Variants in ALDH1A2 observed in about 807,000 individuals in gnomAD.
ALDH1A2 encodes aldehyde dehydrogenase 1 family member A2.
Under a neutral mutation model 60.3 loss-of-function variants are expected in ALDH1A2, and 27 were observed. That is an observed-to-expected ratio of 0.45 (90% CI 0.33 to 0.62). The LOEUF (loss-of-function observed/expected upper bound fraction) is 0.62. Ranked by LOEUF, ALDH1A2 falls within the 20% of genes least tolerant of loss-of-function variation. ALDH1A2 has a pLI of 0.02. For missense variants in ALDH1A2, 581 were observed against 643.8 expected (o/e 0.90, Z 1.06); for synonymous variants, 289 against 232.4 (o/e 1.24, Z -2.21).
At position 57,992,773 on chromosome 15, in the gene ALDH1A2, G is replaced by C; in HGVS notation, c.730C>G (p.Pro244Ala). ...GAAGCTATTGCTGCCCCAGCCGTTG[G>C]CCCATATCCTGGCAAAATATTGATG... is the stretch of plus-strand genomic sequence containing the variant. ...GVINILPGYG[P>A]TAGAAIASHI... The change falls in exon 7 of 13, where the codon CCA (proline) becomes GCA (alanine). Residue 244 changes from proline (P) to alanine (A), a missense_variant. By Grantham distance (27) the Pro-to-Ala change is conservative (BLOSUM62 -1). Around this residue, in one of 2 missense-constraint regions of ALDH1A2, gnomAD observed 375 missense variants for 469.7 expected, o/e 0.80. Coordinates refer to ENST00000249750, the MANE Select transcript of ALDH1A2 (RefSeq NM_003888.4). 6.2e-7 allele frequency: 1 copy of C among 1,614,110 alleles called. No individual in the cohort carries two copies. Among genetic ancestry groups the C allele is most frequent in the Non-Finnish European group, 8.5e-7 (1 of 1,179,994 alleles).
intron 10 of ALDH1A2, among the ~76,000 whole-genome samples, chr15:57,961,577 C>T (rs1388251190): frequency 2.6e-5 from 4 of 152,190 alleles, no homozygotes; most frequent in Admixed American, 2.6e-4. Context: ...GTGGCATCCT[C>T]CGTGATCCTG....
chr15:57,977,175 CA>C lies in ALDH1A2; in HGVS notation c.799-11349del, dbSNP rs533151298. Among the ~76,000 whole-genome samples, 12 of 151,688 alleles carry C rather than the reference CA, an allele frequency of 7.9e-5. 1 individual carries two copies. In the South Asian group the frequency reaches 2.5e-3, roughly 32 times the overall value. On this transcript the variant is annotated intron_variant, in intron 7 of 12. Coordinates refer to ENST00000249750, the MANE Select transcript of ALDH1A2 (RefSeq NM_003888.4). ...AGCCCTTTGTCAGATGAGTAGATTG[CA>C]AAAACTTTGTCCCACTCTGTAGGTT... is the stretch of plus-strand genomic sequence containing the variant.
intron 4 of ALDH1A2, among the ~76,000 whole-genome samples, chr15:58,007,268 TC>T (rs1895491321): frequency 6.6e-6 from 1 of 152,000 alleles, no homozygotes; most frequent in Admixed American, 6.6e-5. Context: ...AATTCAGTGT[TC>T]GTGACAACTT....
At chr15:57,964,323 G>C (rs931493004) in intron 8 of ALDH1A2, 2 of 493,204 alleles carry the variant, frequency 4.1e-6, no homozygotes, top group African/African-American at 3.9e-5. Flanking sequence ...TATAACAGGA[G>C]TCTCAAACCC....
chr15:58,011,573 T>G lies in ALDH1A2; in HGVS notation c.364-795A>C, dbSNP rs138945418. 5.1e-3 allele frequency among the ~76,000 whole-genome samples: 773 copies of G among 152,302 alleles called. 6 individuals carry two copies. Among genetic ancestry groups the G allele is most frequent in the African/African-American group, 0.017 (719 of 41,572 alleles). ...ATGAAATTAACAAACATGTTTGTAA[T>G]TTTCTTTTTTTCCTACAAGTGTATT... On this transcript the variant is annotated intron_variant, in intron 3 of 12. Transcript: ENST00000249750.
chr15:57,968,214 T>C (rs1893955894), intron 7 of ALDH1A2, among the ~76,000 whole-genome samples: 2 of 152,222 alleles, frequency 1.3e-5, no homozygotes, highest in African/African-American at 4.8e-5. Context: ...TTCACAAACA[T>C]ATTATTCATT....
At chr15:57,997,885 T>C (rs1430586330) in intron 4 of ALDH1A2, among the ~76,000 whole-genome samples, 1 of 151,928 alleles carries the variant, frequency 6.6e-6, no homozygotes, top group Non-Finnish European at 1.5e-5. Context: ...CTACAGTTAG[T>C]CTAAGTAGCA....
intron 7 of ALDH1A2, among the ~76,000 whole-genome samples, chr15:57,970,595 T>C (rs531909616): frequency 6.6e-6 from 1 of 152,340 alleles, no homozygotes; most frequent in East Asian, 1.9e-4. Context: ...GCCCTCTTTA[T>C]TCAGGGCAGT....
chr15:57,969,162 C>T (rs1893985152), intron 7 of ALDH1A2, among the ~76,000 whole-genome samples: 1 of 152,198 alleles, frequency 6.6e-6, no homozygotes, highest in African/African-American at 2.4e-5. Context: ...CCCTGGTTTT[C>T]ACCAATGTCC....
intron 1 of ALDH1A2, among the ~76,000 whole-genome samples, chr15:58,039,885 A>G (rs1163083782): frequency 6.6e-6 from 1 of 151,768 alleles, no homozygotes; most frequent in Non-Finnish European, 1.5e-5. Flanking sequence ...ATTTGCAATC[A>G]TTTCTTAGTC....
At chr15:58,023,272 A>T (rs1895983141) in intron 1 of ALDH1A2, among the ~76,000 whole-genome samples, 2 of 152,206 alleles carry the variant, frequency 1.3e-5, no homozygotes, top group Non-Finnish European at 2.9e-5. Context: ...ATAATCCAGT[A>T]AAACAAAACA....
At chr15:57,961,414 A>G (rs1250734815) in intron 10 of ALDH1A2, 120 bp from the exon 11 acceptor site, 6 of 1,238,784 alleles carry the variant, frequency 4.8e-6, no homozygotes, top group African/African-American at 1.5e-5. Flanking sequence ...TTAGCAGTAC[A>G]AAACTGTAAA....
chr15:58,046,056 CTAG>C (rs148402510), intron 1 of ALDH1A2, among the ~76,000 whole-genome samples: 1,826 of 152,098 alleles, frequency 0.012, 32 homozygotes, highest in Non-Finnish European at 0.017. Context: ...TTTCACCTTC[CTAG>C]TAGAATGCTT....
intron 7 of ALDH1A2, among the ~76,000 whole-genome samples, chr15:57,978,913 G>C (rs1448882746): frequency 6.6e-6 from 1 of 152,182 alleles, no homozygotes; most frequent in Non-Finnish European, 1.5e-5. Flanking sequence ...GCACATGTCT[G>C]TAATCCCAGA....
At chr15:57,969,525 C>T (rs1205758030) in intron 7 of ALDH1A2, among the ~76,000 whole-genome samples, 1 of 152,132 alleles carries the variant, frequency 6.6e-6, no homozygotes, top group African/African-American at 2.4e-5. Context: ...CTCAGGGATA[C>T]TGTCCCTCCT....
At chr15:58,060,815 G>A (rs1325837398) in intron 1 of ALDH1A2, among the ~76,000 whole-genome samples, 1 of 152,150 alleles carries the variant, frequency 6.6e-6, no homozygotes, top group Non-Finnish European at 1.5e-5. Context: ...CTGTCACTAA[G>A]ATAACTCAAG....
chr15:58,001,624 C>G (rs1046719414), intron 4 of ALDH1A2, among the ~76,000 whole-genome samples: 5 of 151,862 alleles, frequency 3.3e-5, no homozygotes, highest in African/African-American at 1.2e-4. Context: ...AAAATTAAAG[C>G]CAATTTTCCA....
intron 8 of ALDH1A2, 97 bp from the exon 9 acceptor site, chr15:57,964,166 G>A: frequency 7.7e-7 from 1 of 1,302,120 alleles, no homozygotes; most frequent in East Asian, 2.4e-5. Flanking sequence ...TAGGTATAGT[G>A]TGCTCACTGC....
intron 9 of ALDH1A2, 140 bp downstream of exon 9, chr15:57,963,745 T>A (rs1893803676): frequency 1.2e-6 from 1 of 841,730 alleles, no homozygotes; most frequent in South Asian, 1.7e-5. Flanking sequence ...TGGCTCCATT[T>A]CCAGCCACGA....
Sources: allele counts gnomAD v4.1 joint callset (sites outside exome capture counted in the v4.1 genomes callset), GRCh38; gene constraint gnomAD v4.1.1; regional missense constraint gnomAD v4.1.1; transcripts MANE v1.5; gene names NCBI Gene and HGNC (gene_info 2026-07-23, HGNC 2026-07-21).